Variants in ADRA1A observed in about 807,000 individuals in gnomAD.
ADRA1A encodes the protein alpha-1A adrenergic receptor.
ADRA1A carries 31 observed loss-of-function variants against 29.6 expected under a neutral mutation model. That is an observed-to-expected ratio of 1.05 (90% CI 0.79 to 1.41). The LOEUF (loss-of-function observed/expected upper bound fraction) is 1.41, where lower values mean the gene tolerates loss of function less well. Ranked by LOEUF, ADRA1A falls within the 40% of genes most tolerant of loss-of-function variation. The pLI, the probability that ADRA1A is intolerant of heterozygous loss-of-function variation, is 0.00. For synonymous variants in ADRA1A, 311 were observed against 254.3 expected (o/e 1.22, Z -2.12); for missense variants, 619 against 601.1 (o/e 1.03, Z -0.31).
intron 2 of ADRA1A, among the ~76,000 whole-genome samples, chr8:26,799,302 T>C (rs528044640): frequency 5.3e-4 from 81 of 152,324 alleles, no homozygotes; most frequent in Non-Finnish European, 1.0e-3. Context: ...TTCTAAATTG[T>C]GGCACAGAGA....
rs1256168078 is a variant in ADRA1A at position 26,805,471 on chromosome 8, A to C, written c.884-34805T>G. ...CTGGGTAATACAAGACTGAATACTT[A>C]CTGCGTGTCCACTCTATGCCCAGTA... On this transcript the variant is annotated intron_variant, in intron 2 of 2. Transcript: ENST00000380573. This position sits in a 1 kb window ranked among gnomAD's most constrained non-coding sequence, Gnocchi z 4.8. 6.6e-6 allele frequency among the ~76,000 whole-genome samples: 1 copy of C among 152,240 alleles called. No individual in the cohort carries two copies. The highest frequency in any genetic ancestry group is 1.5e-5 in the Non-Finnish European group (1 of 68,048).
chr8:26,862,724 A>G (rs1392543134), intron 2 of ADRA1A, among the ~76,000 whole-genome samples: 2 of 152,252 alleles, frequency 1.3e-5, no homozygotes, highest in African/African-American at 4.8e-5. Flanking sequence ...CATTTCTGCA[A>G]TGATAGAAAT....
rs1470172724 is a variant in ADRA1A at position 26,864,283 on chromosome 8, C to G, written c.687G>C (p.Ser229=). ...KSGLKTDKSD[S]EQVTLRIHRK... ...GATGGATGCGGAGCGTCACTTGCTC[C>G]GAGTCCGACTTGTCGGTCTTGAGGC... is the stretch of plus-strand genomic sequence containing the variant. Residue 229 remains serine (S), a synonymous_variant, in exon 2 of 3, where the codon TCG becomes TCC. Coordinates refer to ENST00000380573, the MANE Select transcript of ADRA1A (RefSeq NM_000680.4). The surrounding 1 kb of genome is among the most constrained non-coding windows in gnomAD (Gnocchi z 8.1). The G allele has an allele frequency of 6.2e-7, 1 of 1,614,018 alleles. No homozygotes were observed. Among genetic ancestry groups the G allele is most frequent in the African/African-American group, 1.3e-5 (1 of 74,936 alleles).
In ADRA1A at chr8:26,770,258, T is replaced by G; in HGVS notation, c.1292A>C (p.Gln431Pro). 1 of 1,614,072 alleles carries G rather than the reference T, an allele frequency of 6.2e-7. No homozygotes were observed. Among genetic ancestry groups the G allele is most frequent in the South Asian group, 1.1e-5 (1 of 91,060 alleles). Residue 431 changes from glutamine (Q) to proline (P), a missense_variant, in exon 3 of 3, where the codon CAG becomes CCG. Transcript: ENST00000380573. ...TARVRSKSFL[Q>P]VCCCVGPSTP... Reference sequence around the variant, plus strand: ...TGAGGGCCCTACACAGCAGCAGACCTGCAAAAAGCTTTTACTTCTCACCCG... The same window carrying G: ...TGAGGGCCCTACACAGCAGCAGACCGGCAAAAAGCTTTTACTTCTCACCCG...
At chr8:26,777,589 A>C (rs1434912753) in intron 2 of ADRA1A, among the ~76,000 whole-genome samples, 1 of 152,212 alleles carries the variant, frequency 6.6e-6, no homozygotes, top group Non-Finnish European at 1.5e-5. Context: ...GAAATTGTAC[A>C]GCTCTCCATT....
At chr8:26,766,581 TA>T (rs1324109131), downstream of ADRA1A, among the ~76,000 whole-genome samples, 2 of 152,146 alleles carry the variant, frequency 1.3e-5, no homozygotes, top group African/African-American at 4.8e-5. Context: ...AACAGAACAT[TA>T]AAAAGTTTGG....
chr8:26,838,172 G>A (rs1047905734), intron 2 of ADRA1A, among the ~76,000 whole-genome samples: 1 of 152,144 alleles, frequency 6.6e-6, no homozygotes, highest in African/African-American at 2.4e-5. Context: ...AATCTATGTG[G>A]TTACTTTCTT....
intron 2 of ADRA1A, among the ~76,000 whole-genome samples, chr8:26,749,865 G>A (rs1355642874): frequency 6.6e-6 from 1 of 152,076 alleles, no homozygotes; most frequent in Non-Finnish European, 1.5e-5. Context: ...ATTGCTTTAC[G>A]ATCAGGGCCC....
Position 26,864,362 on chromosome 8 carries a change from A to AT in ADRA1A, c.607dup (p.Met203AsnfsTer98). ...GGCCACCACGTAGACGCGGCAGTAC[A>AT]TGACCAGGATGATGGCCAGAGGCAG... On this transcript the variant is annotated frameshift_variant, in exon 2 of 3. Transcript: ENST00000380573. LOFTEE classifies it high-confidence loss of function. This position sits in a 1 kb window ranked among gnomAD's most constrained non-coding sequence, Gnocchi z 8.1. 1 of 1,613,992 alleles carries AT rather than the reference A, an allele frequency of 6.2e-7. No individual in the cohort carries two copies. The highest frequency in any genetic ancestry group is 1.3e-5 in the African/African-American group (1 of 75,050).
chr8:26,864,711 C>T lies in ADRA1A; in HGVS notation c.259G>A (p.Glu87Lys), dbSNP rs1211865288. ...STVLPFSAIF[E>K]VLGYWAFGRV... ...CCGAAGGCCCAGTAGCCTAGGACCT[C>T]GAAGATGGCGGAGAAGGGCAGCACC... The change falls in exon 2 of 3, where the codon GAG becomes AAG. Residue 87 changes from glutamate (E) to lysine (K), a missense_variant. Coordinates refer to ENST00000380573, the MANE Select transcript of ADRA1A (RefSeq NM_000680.4). This position sits in a 1 kb window ranked among gnomAD's most constrained non-coding sequence, Gnocchi z 8.1. 1 of 1,614,118 alleles carries T rather than the reference C, an allele frequency of 6.2e-7. No homozygotes were observed. The highest frequency in any genetic ancestry group is 2.2e-5 in the East Asian group (1 of 44,878).
intron 2 of ADRA1A, among the ~76,000 whole-genome samples, chr8:26,826,562 T>C (rs1266564344): frequency 6.6e-6 from 1 of 152,254 alleles, no homozygotes; most frequent in Non-Finnish European, 1.5e-5. Context: ...ATAGAAACAT[T>C]TCCATGAGGC....
chr8:26,837,650 C>CAAAAAA lies in ADRA1A; in HGVS notation c.883+26431_883+26436dup, dbSNP rs372072664. Among the ~76,000 whole-genome samples, 54 of 128,610 alleles carry CAAAAAA rather than the reference C, an allele frequency of 4.2e-4. 1 individual carries two copies. Among genetic ancestry groups the CAAAAAA allele is most frequent in the African/African-American group, 1.6e-3 (53 of 33,992 alleles). The allele number at this position is 128,610 out of a possible 152,430, so 84.4% of individuals were successfully genotyped here. On this transcript the variant is annotated intron_variant, in intron 2 of 2. Transcript: ENST00000380573. ...TGGGTGACAGAGAGAGACTCTGTCT[C>CAAAAAA]AAAAAAAAAAAAAAAGTGTACAGTA...
At position 26,770,212 on chromosome 8, in the gene ADRA1A, G is replaced by A; in HGVS notation, c.1338C>T (p.Asn446=). ...VGPSTPSLDK[N]HQVPTIKVHT... is the part of the protein sequence containing the mutation. ...GGACCTTAATGGTTGGAACTTGATG[G>A]TTCTTGTCAAGGCTGGGGGTTGAGG... The change falls in exon 3 of 3, where the codon AAC becomes AAT. Residue 446 remains asparagine (N), a synonymous_variant. Transcript: ENST00000380573. 1.2e-6 allele frequency: 2 copies of A among 1,604,098 alleles called. No individual in the cohort carries two copies. The highest frequency in any genetic ancestry group is 2.2e-5 in the South Asian group (2 of 89,288).
downstream of ADRA1A, among the ~76,000 whole-genome samples, chr8:26,761,919 A>G (rs1336344214): frequency 6.6e-6 from 1 of 152,198 alleles, no homozygotes. Context: ...GCCAGAAGAG[A>G]AAGAACACCC....
At chr8:26,753,372 G>A (rs893912049), downstream of ADRA1A, among the ~76,000 whole-genome samples, 9 of 152,108 alleles carry the variant, frequency 5.9e-5, no homozygotes, top group South Asian at 4.2e-4. Flanking sequence ...GTCCTTGCCC[G>A]TATCTTGAAT....
downstream of ADRA1A, among the ~76,000 whole-genome samples, chr8:26,760,890 A>G (rs1347301855): frequency 6.6e-6 from 1 of 152,230 alleles, no homozygotes; most frequent in Non-Finnish European, 1.5e-5. Flanking sequence ...CCTCAGGGTC[A>G]TCAACTTGAG....
At chr8:26,782,176 G>A (rs1807041848) in intron 2 of ADRA1A, among the ~76,000 whole-genome samples, 1 of 152,198 alleles carries the variant, frequency 6.6e-6, no homozygotes, top group Non-Finnish European at 1.5e-5. Context: ...GATTAAGCTA[G>A]GGATGAAGAT....
intron 2 of ADRA1A, among the ~76,000 whole-genome samples, chr8:26,797,495 C>T (rs1297168144): frequency 6.6e-6 from 1 of 151,892 alleles, no homozygotes; most frequent in South Asian, 2.1e-4. Context: ...GATGGGGTCT[C>T]ATTATGTTGC....
At chr8:26,855,375 T>G (rs1271833897) in intron 2 of ADRA1A, among the ~76,000 whole-genome samples, 1 of 150,586 alleles carries the variant, frequency 6.6e-6, no homozygotes, top group African/African-American at 2.5e-5. Context: ...GATAAATAAG[T>G]AATTATTTAT....
Sources: gnomAD v4.1 joint callset for allele counts (sites outside exome capture counted in the v4.1 genomes callset) on GRCh38, gnomAD v4.1.1 for gene constraint, Gnocchi (gnomAD v3.1) non-coding constraint, MANE v1.5 for transcripts, NCBI Gene and HGNC (gene_info 2026-07-23, HGNC 2026-07-21) for gene names.